Variants in IQSEC3 observed in about 807,000 individuals in gnomAD.
The protein encoded by IQSEC3 is IQ motif and Sec7 domain ArfGEF 3, also known as IQ motif and SEC7 domain-containing protein 3.
A neutral mutation model predicts 105.4 loss-of-function variants in IQSEC3; 50 were observed. The observed-to-expected ratio is 0.47, with a 90% confidence interval of 0.38 to 0.60. The LOEUF (loss-of-function observed/expected upper bound fraction) is 0.60. Among genes scored for constraint, IQSEC3 ranks in the 20% least tolerant of loss-of-function variants. The pLI is 0.00. For missense variants in IQSEC3, 1,415 were observed against 1,630.0 expected (o/e 0.87, Z 2.27); for synonymous variants, 708 against 746.0 (o/e 0.95, Z 0.83).
At chr12:88,993 C>T (rs1416673148) in intron 1 of IQSEC3, among the ~76,000 whole-genome samples, 1 of 152,120 alleles carries the variant, frequency 6.6e-6, no homozygotes, top group Admixed American at 6.5e-5. Context: ...TATGAATCCC[C>T]CACAGTTCAG....
intron 3 of IQSEC3, 21 bp downstream of exon 3, chr12:125,933 G>T: frequency 6.5e-7 from 1 of 1,526,730 alleles, no homozygotes; most frequent in Non-Finnish European, 8.7e-7. Flanking sequence ...CCTCCTAGGG[G>T]GGCGGGGAGG....
At chr12:126,334 A>G (rs1555083498) in intron 3 of IQSEC3, among the ~76,000 whole-genome samples, 1 of 152,224 alleles carries the variant, frequency 6.6e-6, no homozygotes, top group Non-Finnish European at 1.5e-5. Context: ...AGGCACAAAG[A>G]CAATGGTCTC....
chr12:138,468 G>C lies in IQSEC3; in HGVS notation c.1105G>C (p.Ala369Pro), dbSNP rs782785262. The change falls in exon 4 of 14, where the codon GCG becomes CCG. Residue 369 changes from alanine to proline, a missense_variant. Ala to Pro is a conservative substitution (Grantham distance 27). Around this residue, in one of 6 missense-constraint regions of IQSEC3, gnomAD observed 720 missense variants for 633.0 expected, o/e 1.14. Transcript: ENST00000538872. This position sits in a 1 kb window ranked among gnomAD's most constrained non-coding sequence, Gnocchi z 7.1. ...GGCCGAGAGCCTGGCGGCCGAGAAA[G>C]CGCTCATGGAGGGCTACGGCCTCGT... ...PTAESLAAEK[A>P]LMEGYGLVGL... 7.5e-6 allele frequency: 12 copies of C among 1,600,820 alleles called. No homozygotes were observed. The highest frequency in any genetic ancestry group is 1.0e-5 in the Non-Finnish European group (12 of 1,178,352).
Position 125,731 on chromosome 12 carries a change from C to A in IQSEC3, c.722C>A (p.Ala241Asp). 6.5e-7 allele frequency: 1 copy of A among 1,527,904 alleles called. No individual in the cohort carries two copies. The highest frequency in any genetic ancestry group is 8.7e-7 in the Non-Finnish European group (1 of 1,146,888). 94.6% of individuals were successfully genotyped at this position (1,527,904 alleles called of 1,614,324 possible). ...AGRPSAHAPKAQAQELQEEEE... is the reference protein window; with the variant it reads ...AGRPSAHAPKDQAQELQEEEE... ...AGACCCAGTGCCCATGCCCCGAAGG[C>A]TCAAGCCCAGGAGCTGCAGGAGGAG... Residue 241 changes from alanine (A) to aspartate (D), a missense_variant, in exon 3 of 14, where the codon GCT becomes GAT. Around this residue, in one of 6 missense-constraint regions of IQSEC3, gnomAD observed 720 missense variants for 633.0 expected, o/e 1.14. Coordinates refer to ENST00000538872, the MANE Select transcript of IQSEC3 (RefSeq NM_001170738.2).
chr12:116,009 TTAA>T (rs1385780260), intron 2 of IQSEC3, among the ~76,000 whole-genome samples: 4 of 152,360 alleles, frequency 2.6e-5, no homozygotes, highest in Admixed American at 6.5e-5. Flanking sequence ...TTTCATTTTT[TTAA>T]TAATATTACA....
At chr12:164,270 TC>T (rs1301476167) in intron 9 of IQSEC3, among the ~76,000 whole-genome samples, 1 of 152,106 alleles carries the variant, frequency 6.6e-6, no homozygotes, top group Non-Finnish European at 1.5e-5. Flanking sequence ...GAACCACCTC[TC>T]ACCACCTCCA....
intron 13 of IQSEC3, among the ~76,000 whole-genome samples, chr12:171,677 T>C (rs782754423): frequency 4.6e-5 from 7 of 152,130 alleles, no homozygotes; most frequent in Non-Finnish European, 1.0e-4. Context: ...GGTTGGAGAA[T>C]TGAGACTTGG....
chr12:139,422 C>T (rs1865926650), intron 4 of IQSEC3, 68 bp downstream of exon 4: 2 of 1,316,024 alleles, frequency 1.5e-6, no homozygotes, highest in South Asian at 3.0e-5. Flanking sequence ...AGGAGGGCAC[C>T]TTCCCTCCAC....
chr12:92,476 T>A (rs1044233318), intron 1 of IQSEC3, among the ~76,000 whole-genome samples: 5 of 151,914 alleles, frequency 3.3e-5, no homozygotes, highest in Non-Finnish European at 5.9e-5. Context: ...TGCTGTGAGG[T>A]AGATTGGGGG....
chr12:166,955 T>C (rs1325343156), intron 11 of IQSEC3: 8 of 152,262 alleles, frequency 5.3e-5, no homozygotes, highest in African/African-American at 1.9e-4. Context: ...CATTTTCATT[T>C]ACGTTTGATT....
intron 2 of IQSEC3, chr12:111,894 C>T (rs1363879018): frequency 2.6e-5 from 4 of 152,176 alleles, no homozygotes; most frequent in Non-Finnish European, 2.9e-5. Context: ...CAGAGAACAG[C>T]GAAAGTGAGA....
rs184665836 is a variant in IQSEC3, at chr12:109,377, G to T, written c.623+10163G>T. ...TCCTTTGAGTTTATAACCCTAGTTC[G>T]GATCTTCCTTATGTAGCCCCCCGGC... is the stretch of plus-strand genomic sequence containing the variant. On this transcript the variant is annotated intron_variant, in intron 2 of 13. Transcript: ENST00000538872. Among the ~76,000 whole-genome samples, 58 of 152,146 alleles carry T rather than the reference G, an allele frequency of 3.8e-4. 1 individual carries two copies. In the East Asian group the frequency reaches 0.011, roughly 29 times the overall value.
At chr12:77,037 TATTTAA>T (rs1863560080) in intron 1 of IQSEC3, among the ~76,000 whole-genome samples, 2 of 152,148 alleles carry the variant, frequency 1.3e-5, no homozygotes, top group Non-Finnish European at 2.9e-5. Context: ...AACCAATGAT[TATTTAA>T]AAACAGCAGC....
At chr12:111,323 A>G (rs1321806432) in intron 2 of IQSEC3, among the ~76,000 whole-genome samples, 5 of 152,300 alleles carry the variant, frequency 3.3e-5, no homozygotes, top group Admixed American at 2.0e-4. Context: ...TGGGCCAGAT[A>G]AAACAACAAA....
Position 165,672 on chromosome 12 carries a change from C to T in IQSEC3, c.2810-57C>T, listed in dbSNP as rs562003299. On this transcript the variant is annotated intron_variant, in intron 10 of 13. Transcript: ENST00000538872. ...GTGCCCTCCTCATGTCTGGCTGGCT[C>T]TGGCCCTCGGCTGCTGCTGCTCACA... 2.0e-4 allele frequency: 314 copies of T among 1,603,022 alleles called. 4 individuals are homozygous for T. In the South Asian group the frequency reaches 3.4e-3, roughly 17 times the overall value.
chr12:136,383 T>A (rs1865765874), intron 3 of IQSEC3, among the ~76,000 whole-genome samples: 1 of 152,162 alleles, frequency 6.6e-6, no homozygotes. Context: ...GCTAAGAGGC[T>A]ACCTCTGCTA....
At chr12:123,127 G>A (rs1202942692) in intron 2 of IQSEC3, among the ~76,000 whole-genome samples, 3 of 152,204 alleles carry the variant, frequency 2.0e-5, no homozygotes, top group Admixed American at 6.5e-5. Context: ...TCTAGAGGCT[G>A]GGCACGCTGG....
At chr12:171,247 G>A (rs1555100179) in intron 13 of IQSEC3, 86 bp downstream of exon 13, 2 of 1,613,948 alleles carry the variant, frequency 1.2e-6, no homozygotes, top group South Asian at 2.2e-5. Flanking sequence ...CTCTTCTCAG[G>A]TATTAATCAA....
intron 2 of IQSEC3, among the ~76,000 whole-genome samples, chr12:105,965 G>A (rs1394715835): frequency 1.3e-5 from 2 of 152,176 alleles, no homozygotes; most frequent in Non-Finnish European, 2.9e-5. Context: ...GTTAAGGCAC[G>A]CAACTTTTTG....
Sources: allele counts gnomAD v4.1 joint callset (sites outside exome capture counted in the v4.1 genomes callset), GRCh38; gene constraint gnomAD v4.1.1; regional missense constraint gnomAD v4.1.1; non-coding constraint Gnocchi (gnomAD v3.1); transcripts MANE v1.5; gene names NCBI Gene and HGNC (gene_info 2026-07-23, HGNC 2026-07-21).